Variants in NEGR1 observed in about 807,000 individuals in gnomAD.
The protein encoded by NEGR1 is IgLON family member 4.
A neutral mutation model predicts 40.9 loss-of-function variants in NEGR1; 10 were observed. The ratio of observed to expected loss-of-function variants is 0.24; its 90% CI spans 0.15 to 0.42. NEGR1 has a LOEUF of 0.42. Ranked by LOEUF, NEGR1 falls within the 10% of genes least tolerant of loss-of-function variation. The probability of loss-of-function intolerance (pLI) is 1.00; values close to 1 mark genes in which losing one functional copy is unlikely to be tolerated. For synonymous variants in NEGR1, 185 were observed against 166.8 expected (o/e 1.11, Z -0.84); for missense variants, 352 against 438.9 (o/e 0.80, Z 1.77).
At chr1:72,228,055 C>G (rs139713126) in intron 1 of NEGR1, among the ~76,000 whole-genome samples, 69 of 152,174 alleles carry the variant, frequency 4.5e-4, no homozygotes, top group Admixed American at 1.0e-3. Flanking sequence ...ATGCCTTGCA[C>G]ACAGAGAGAT....
intron 1 of NEGR1, among the ~76,000 whole-genome samples, chr1:71,967,965 T>C (rs1263581459): frequency 6.6e-6 from 1 of 152,194 alleles, no homozygotes; most frequent in African/African-American, 2.4e-5. Context: ...TAATGTGTGA[T>C]GATTAGACAC....
At chr1:72,143,927 A>AT (rs1650801526) in intron 1 of NEGR1, among the ~76,000 whole-genome samples, 1 of 130,370 alleles carries the variant, frequency 7.7e-6, no homozygotes, top group African/African-American at 2.8e-5. Context: ...ATATATATAT[A>AT]TATATATATA....
chr1:72,038,206 G>A (rs574603312), intron 1 of NEGR1, among the ~76,000 whole-genome samples: 1 of 152,152 alleles, frequency 6.6e-6, no homozygotes, highest in African/African-American at 2.4e-5. Flanking sequence ...GCTTTTGAAT[G>A]TTCTGCAGTT....
intron 3 of NEGR1, among the ~76,000 whole-genome samples, chr1:71,750,956 C>T (rs772757368): frequency 4.6e-5 from 7 of 151,978 alleles, no homozygotes; most frequent in Non-Finnish European, 8.8e-5. Flanking sequence ...TAGTTTATGA[C>T]TAGATTTACA....
At chr1:71,822,160 C>T (rs1570394856) in intron 2 of NEGR1, among the ~76,000 whole-genome samples, 1 of 151,902 alleles carries the variant, frequency 6.6e-6, no homozygotes, top group East Asian at 1.9e-4. Context: ...TCTTCTACTT[C>T]ATGTGGAAAG....
intron 2 of NEGR1, among the ~76,000 whole-genome samples, chr1:71,778,663 C>T (rs537559130): frequency 3.3e-5 from 5 of 152,060 alleles, no homozygotes; most frequent in Non-Finnish European, 7.4e-5. Flanking sequence ...TCTCGCCTAG[C>T]GACTTTACTT....
At chr1:72,038,175 A>C (rs534721545) in intron 1 of NEGR1, among the ~76,000 whole-genome samples, 3 of 152,240 alleles carry the variant, frequency 2.0e-5, no homozygotes, top group Admixed American at 2.0e-4. Flanking sequence ...AAAAATCTTT[A>C]AATAAGTCTG....
intron 6 of NEGR1, among the ~76,000 whole-genome samples, chr1:71,450,774 C>T (rs950760442): frequency 9.2e-5 from 14 of 151,726 alleles, no homozygotes; most frequent in African/African-American, 3.4e-4. Flanking sequence ...GGCACCACTG[C>T]ACTCCAGCCT....
At chr1:72,067,143 T>C (rs1647295101) in intron 1 of NEGR1, among the ~76,000 whole-genome samples, 1 of 152,128 alleles carries the variant, frequency 6.6e-6, no homozygotes, top group Non-Finnish European at 1.5e-5. Context: ...ACTATAAACA[T>C]GGAAAAGATC....
intron 6 of NEGR1, among the ~76,000 whole-genome samples, chr1:71,575,292 G>A (rs909948184): frequency 8.5e-5 from 13 of 152,172 alleles, no homozygotes; most frequent in Non-Finnish European, 4.4e-5. Context: ...CATCAACCTT[G>A]ACATCAAAGA....
At chr1:72,049,120 C>T (rs1647032580) in intron 1 of NEGR1, among the ~76,000 whole-genome samples, 1 of 151,268 alleles carries the variant, frequency 6.6e-6, no homozygotes, top group South Asian at 2.1e-4. Context: ...GCCAGGAGTT[C>T]AAGACACCAG....
intron 2 of NEGR1, among the ~76,000 whole-genome samples, chr1:71,922,141 G>GT (rs1645726287): frequency 6.6e-6 from 1 of 152,138 alleles, no homozygotes; most frequent in South Asian, 2.1e-4. Flanking sequence ...GGGTTTCCCA[G>GT]TGTGAGCTGT....
At chr1:71,682,521 A>G (rs970413059) in intron 4 of NEGR1, among the ~76,000 whole-genome samples, 3 of 152,066 alleles carry the variant, frequency 2.0e-5, no homozygotes, top group South Asian at 4.1e-4. Flanking sequence ...TTGAAGTTGT[A>G]TTTCTTCAGA....
intron 1 of NEGR1, among the ~76,000 whole-genome samples, chr1:72,176,569 G>T (rs1652173441): frequency 6.6e-6 from 1 of 151,974 alleles, no homozygotes; most frequent in Non-Finnish European, 1.5e-5. Flanking sequence ...ATGAATAAAA[G>T]TTAATCAATG....
At chr1:71,431,373 C>G (rs1646467313) in intron 6 of NEGR1, among the ~76,000 whole-genome samples, 2 of 152,100 alleles carry the variant, frequency 1.3e-5, no homozygotes, top group Non-Finnish European at 2.9e-5. Flanking sequence ...TGAAAGATGT[C>G]TATGCAGACT....
At chr1:71,754,800 C>T (rs886884847) in intron 3 of NEGR1, among the ~76,000 whole-genome samples, 6 of 152,162 alleles carry the variant, frequency 3.9e-5, no homozygotes, top group Non-Finnish European at 8.8e-5. Context: ...CTCATTAGAT[C>T]ACTTTCTGAT....
rs555234185 is a variant in NEGR1 at position 71,770,014 on chromosome 1, C to T, written c.535+6158G>A. ...AAGAGGAAGATCTGGATCTCAAACTCGACTGAAATCAAAATGCATTATCTT... is the reference window on the plus strand; with the variant it reads ...AAGAGGAAGATCTGGATCTCAAACTTGACTGAAATCAAAATGCATTATCTT... On this transcript the variant is annotated intron_variant, in intron 3 of 6. Transcript: ENST00000357731. Among the ~76,000 whole-genome samples, 271 of 152,230 alleles carry T rather than the reference C, an allele frequency of 1.8e-3. 1 individual carries two copies. The highest frequency in any genetic ancestry group is 3.7e-3 in the Admixed American group (57 of 15,268).
rs1158919846 is a variant in NEGR1 at position 71,612,243 on chromosome 1, G to T, written c.668-1097C>A. Among the ~76,000 whole-genome samples, 4 of 152,234 alleles carry T rather than the reference G, an allele frequency of 2.6e-5. No individual in the cohort carries two copies. In the East Asian group the frequency reaches 5.8e-4, roughly 22 times the overall value. On this transcript the variant is annotated intron_variant, in intron 4 of 6. Coordinates refer to ENST00000357731, the MANE Select transcript of NEGR1 (RefSeq NM_173808.3). ...TCTCAAAACAAAACAAAACAAAAAA[G>T]AAATGTATTGCACTGTATCATGTAC...
intron 1 of NEGR1, among the ~76,000 whole-genome samples, chr1:72,109,068 C>T (rs984381647): frequency 6.6e-6 from 1 of 151,544 alleles, no homozygotes; most frequent in African/African-American, 2.4e-5. Context: ...ACCTTAATCT[C>T]ATTTCCACAT....
Sources: allele counts gnomAD v4.1 joint callset (sites outside exome capture counted in the v4.1 genomes callset), GRCh38; gene constraint gnomAD v4.1.1; transcripts MANE v1.5; gene names NCBI Gene and HGNC (gene_info 2026-07-23, HGNC 2026-07-21).